The following COMMD10 variants were observed in gnomAD, a reference collection of about 807,000 sequenced individuals.
The protein encoded by COMMD10 is COMM domain-containing protein 10.
Under a neutral mutation model 28.9 loss-of-function variants are expected in COMMD10, and 33 were observed. The ratio of observed to expected loss-of-function variants is 1.14; its 90% CI spans 0.87 to 1.53. The LOEUF is 1.53. Ranked by LOEUF, COMMD10 falls within the 40% of genes most tolerant of loss-of-function variation. The pLI is 0.00. For synonymous variants in COMMD10, 110 were observed against 81.7 expected (o/e 1.35, Z -1.87); for missense variants, 310 against 233.4 (o/e 1.33, Z -2.14).
chr5:116,097,805 CAAGA>C (rs1310264846), intron 4 of COMMD10, among the ~76,000 whole-genome samples: 1 of 151,984 alleles, frequency 6.6e-6, no homozygotes, highest in East Asian at 1.9e-4. Flanking sequence ...GGAGCAGGAA[CAAGA>C]GAGAGAGGGA....
intron 1 of COMMD10, among the ~76,000 whole-genome samples, chr5:116,086,223 G>T (rs560855744): frequency 5.3e-5 from 8 of 152,324 alleles, no homozygotes; most frequent in Non-Finnish European, 8.8e-5. Context: ...GTGGGAATCA[G>T]CTTTATGTTC....
At chr5:116,275,041 A>G (rs897186275) in intron 5 of COMMD10, among the ~76,000 whole-genome samples, 9 of 151,586 alleles carry the variant, frequency 5.9e-5, no homozygotes, top group East Asian at 1.9e-4. Context: ...CCCAACCTCT[A>G]TTTCATCCCC....
chr5:116,157,653 C>A (rs751277006), intron 5 of COMMD10, among the ~76,000 whole-genome samples: 3 of 152,140 alleles, frequency 2.0e-5, no homozygotes, highest in Non-Finnish European at 4.4e-5. Flanking sequence ...GAAGTAGATT[C>A]TAATTGTTGA....
At chr5:116,206,445 G>T (rs927370545) in intron 5 of COMMD10, among the ~76,000 whole-genome samples, 5 of 152,172 alleles carry the variant, frequency 3.3e-5, no homozygotes, top group Admixed American at 6.5e-5. Context: ...GAGGTCAGGA[G>T]TTCAAGACCA....
At chr5:116,214,176 G>C (rs1171480547) in intron 5 of COMMD10, among the ~76,000 whole-genome samples, 2 of 151,996 alleles carry the variant, frequency 1.3e-5, no homozygotes, top group Non-Finnish European at 1.5e-5. Flanking sequence ...TATTGCCTAA[G>C]GGATGCAAAC....
chr5:116,131,442 G>A (rs1159930483), intron 4 of COMMD10, among the ~76,000 whole-genome samples: 1 of 151,716 alleles, frequency 6.6e-6, no homozygotes, highest in Non-Finnish European at 1.5e-5. Flanking sequence ...TGTATGTGAA[G>A]AACCAACCAA....
At chr5:116,130,980 C>T (rs1751844854) in intron 4 of COMMD10, among the ~76,000 whole-genome samples, 1 of 151,496 alleles carries the variant, frequency 6.6e-6, no homozygotes, top group Admixed American at 6.6e-5. Flanking sequence ...TTTCCAAAGA[C>T]AATTTATAAT....
intron 5 of COMMD10, among the ~76,000 whole-genome samples, chr5:116,254,905 G>A (rs954137011): frequency 1.3e-5 from 2 of 151,344 alleles, no homozygotes; most frequent in African/African-American, 2.4e-5. Context: ...GGGTGTTAAA[G>A]TCTCCCATTA....
intron 5 of COMMD10, among the ~76,000 whole-genome samples, chr5:116,290,161 A>G (rs1289832280): frequency 1.3e-5 from 2 of 151,768 alleles, no homozygotes; most frequent in Non-Finnish European, 2.9e-5. Context: ...CTTTTCTCAG[A>G]ACTTTAGGGT....
At chr5:116,237,902 A>C (rs1156387459) in intron 5 of COMMD10, among the ~76,000 whole-genome samples, 5 of 152,196 alleles carry the variant, frequency 3.3e-5, no homozygotes, top group Non-Finnish European at 7.4e-5. Flanking sequence ...TTAAATGACA[A>C]CAAAGCTAAA....
rs148334497 is a variant in COMMD10, at chr5:116,123,533, T to C, written c.400-10535T>C. Among the ~76,000 whole-genome samples the C allele has an allele frequency of 7.3e-3, 1,111 of 152,290 alleles. 15 individuals are homozygous for C. Among genetic ancestry groups the C allele is most frequent in the African/African-American group, 0.026 (1,081 of 41,556 alleles). ...AGGGATATTGGTCTAAAGTTCTCTT[T>C]TTTTGTCGTGTCTCTGTCAGGCTTT... On this transcript the variant is annotated intron_variant, in intron 4 of 6. Coordinates refer to ENST00000274458, the MANE Select transcript of COMMD10 (RefSeq NM_016144.4).
chr5:116,277,431 T>A (rs1750948748), intron 5 of COMMD10, among the ~76,000 whole-genome samples: 2 of 151,844 alleles, frequency 1.3e-5, no homozygotes, highest in South Asian at 4.1e-4. Flanking sequence ...AGAGCCTCAT[T>A]AGAGGTTAAA....
chr5:116,201,038 G>GT (rs1372189309), intron 5 of COMMD10, among the ~76,000 whole-genome samples: 4 of 152,086 alleles, frequency 2.6e-5, no homozygotes, highest in African/African-American at 7.2e-5. Flanking sequence ...GTGCTTCTCA[G>GT]TTTTTTTATC....
At chr5:116,163,952 C>T (rs897998400) in intron 5 of COMMD10, among the ~76,000 whole-genome samples, 28 of 152,036 alleles carry the variant, frequency 1.8e-4, no homozygotes, top group African/African-American at 6.5e-4. Flanking sequence ...CTACCCTTTC[C>T]CATTGAAGTT....
rs554381176 is a variant in COMMD10 at position 116,199,290 on chromosome 5, C to G, written c.510+65112C>G. ...GAGGTTTCTGTTTAGGTTTTTGGCT[C>G]ACTTTTAAGCTGTGTTTTCTTATTG... is the stretch of plus-strand genomic sequence containing the variant. On this transcript the variant is annotated intron_variant, in intron 5 of 6. Transcript: ENST00000274458. Among the ~76,000 whole-genome samples, 7 of 152,132 alleles carry G rather than the reference C, an allele frequency of 4.6e-5. No homozygotes were observed. In the South Asian group the frequency reaches 1.5e-3, roughly 32 times the overall value.
intron 4 of COMMD10, among the ~76,000 whole-genome samples, chr5:116,113,336 T>C (rs1303558424): frequency 1.3e-5 from 2 of 152,018 alleles, no homozygotes; most frequent in East Asian, 1.9e-4. Context: ...GCCTCCTGTA[T>C]CTATTATGTC....
Position 116,179,414 on chromosome 5 carries a change from C to G in COMMD10, c.510+45236C>G, listed in dbSNP as rs568449172. On this transcript the variant is annotated intron_variant, in intron 5 of 6. Coordinates refer to ENST00000274458, the MANE Select transcript of COMMD10 (RefSeq NM_016144.4). Reference sequence around the variant, plus strand: ...GAACCAGACTAAGAACGCAGGTTTCCTGACTTTGGCCTGGTACTCTTTCCA... The same window carrying G: ...GAACCAGACTAAGAACGCAGGTTTCGTGACTTTGGCCTGGTACTCTTTCCA... Among the ~76,000 whole-genome samples, 21 of 152,212 alleles carry G rather than the reference C, an allele frequency of 1.4e-4. No individual in the cohort carries two copies. In the South Asian group the frequency reaches 4.1e-3, roughly 30 times the overall value.
rs528616494 is a variant in COMMD10, at chr5:116,242,794, T to C, written c.511-48723T>C. Reference sequence around the variant, plus strand: ...TAGCATTAAATGCCTGATCTCACAGTATTATGCTTCACTAGAATGAAGGGG... The same window carrying C: ...TAGCATTAAATGCCTGATCTCACAGCATTATGCTTCACTAGAATGAAGGGG... On this transcript the variant is annotated intron_variant, in intron 5 of 6. Transcript: ENST00000274458. Among the ~76,000 whole-genome samples, 12 of 152,266 alleles carry C rather than the reference T, an allele frequency of 7.9e-5. No individual in the cohort carries two copies. In the South Asian group the frequency reaches 1.5e-3, roughly 18 times the overall value.
intron 5 of COMMD10, among the ~76,000 whole-genome samples, chr5:116,288,351 C>A (rs1027935649): frequency 1.3e-5 from 2 of 151,784 alleles, no homozygotes; most frequent in African/African-American, 2.4e-5. Flanking sequence ...TGATAAATCA[C>A]TTTTCTCTTG....
Sources: gnomAD v4.1 joint callset for allele counts (sites outside exome capture counted in the v4.1 genomes callset) on GRCh38, gnomAD v4.1.1 for gene constraint, MANE v1.5 for transcripts, NCBI Gene and HGNC (gene_info 2026-07-23, HGNC 2026-07-21) for gene names.